SYT6: variants seen among roughly 807,000 people sequenced by gnomAD.
SYT6 encodes synaptotagmin-6.
Under a neutral mutation model 38.4 loss-of-function variants are expected in SYT6, and 24 were observed. The observed-to-expected ratio is 0.62, with a 90% CI of 0.45 to 0.88. The LOEUF is 0.88. Among genes scored for constraint, SYT6 ranks in the 40% least tolerant of loss-of-function variants. The probability of loss-of-function intolerance (pLI) is 0.00; values close to 1 mark genes in which losing one functional copy is unlikely to be tolerated. For missense variants in SYT6, 611 were observed against 621.0 expected (o/e 0.98, Z 0.17); for synonymous variants, 265 against 241.9 (o/e 1.10, Z -0.89).
intron 3 of SYT6, among the ~76,000 whole-genome samples, chr1:114,124,578 G>A (rs1220763704): frequency 6.6e-6 from 1 of 152,210 alleles, no homozygotes; most frequent in Non-Finnish European, 1.5e-5. Flanking sequence ...GTTAAGTGCT[G>A]CTCCTCACTT....
chr1:114,109,565 A>G (rs1676548435), intron 3 of SYT6, among the ~76,000 whole-genome samples: 1 of 152,214 alleles, frequency 6.6e-6, no homozygotes, highest in African/African-American at 2.4e-5. Context: ...TGCCGCAGAG[A>G]TTAAATGAGG....
intron 4 of SYT6, among the ~76,000 whole-genome samples, chr1:114,103,265 T>C (rs1436334485): frequency 6.6e-6 from 1 of 152,030 alleles, no homozygotes; most frequent in Non-Finnish European, 1.5e-5. Flanking sequence ...TACTTCTTGT[T>C]ATCTCCCTCT....
chr1:114,129,200 C>G (rs568704612), intron 3 of SYT6, among the ~76,000 whole-genome samples: 2 of 152,352 alleles, frequency 1.3e-5, no homozygotes, highest in South Asian at 4.1e-4. Context: ...ATACTGCTGG[C>G]TGTGCTTTCA....
chr1:114,118,198 T>C (rs756703263), intron 3 of SYT6, among the ~76,000 whole-genome samples: 4 of 152,226 alleles, frequency 2.6e-5, no homozygotes, highest in African/African-American at 9.6e-5. Context: ...CAGGCCTCCC[T>C]TCCCCCTGCT....
chr1:114,101,295 T>C (rs1372519403), intron 4 of SYT6, among the ~76,000 whole-genome samples: 6 of 152,174 alleles, frequency 3.9e-5, no homozygotes, highest in Non-Finnish European at 8.8e-5. Context: ...TAGGCTTTTC[T>C]GGGGCAAAAG....
chr1:114,138,698 G>A lies in SYT6; in HGVS notation c.513-645C>T, dbSNP rs566134597. Among the ~76,000 whole-genome samples, 6 of 152,342 alleles carry A rather than the reference G, an allele frequency of 3.9e-5. No individual in the cohort carries two copies. In the South Asian group the frequency reaches 1.2e-3, roughly 32 times the overall value. On this transcript the variant is annotated intron_variant, in intron 2 of 7. Coordinates refer to ENST00000610222, the MANE Select transcript of SYT6 (RefSeq NM_001253772.2). ...TATGAAGTGCTTAGAATAGAGCCAA[G>A]CATAATCATAAGCAATATATGTGTT...
chr1:114,139,645 C>A lies in SYT6; in HGVS notation c.482G>T (p.Arg161Leu). The A allele has an allele frequency of 1.2e-6, 2 of 1,614,120 alleles. No homozygotes were observed. Among genetic ancestry groups the A allele is most frequent in the Non-Finnish European group, 1.7e-6 (2 of 1,180,036 alleles). The stretch of plus-strand genomic sequence containing the variant: ...GGATGACGCTGGCTCTGTAGTTTGC[C>A]GCTGCAGCCGGGTGTGACGCATGAT... Reference protein sequence around the residue: ...EHIMRHTRLQRQTTEPASSTR... With the variant: ...EHIMRHTRLQLQTTEPASSTR... Residue 161 changes from arginine to leucine, a missense_variant, in exon 2 of 8, where the codon CGG becomes CTG. Physicochemically the swap from Arg to Leu is moderately radical, Grantham distance 102. Transcript: ENST00000610222.
chr1:114,110,849 TC>T (rs745313904), intron 3 of SYT6, among the ~76,000 whole-genome samples: 2 of 152,042 alleles, frequency 1.3e-5, no homozygotes, highest in South Asian at 4.2e-4. Context: ...GTTTTCTAAC[TC>T]CCCCTGCCCA....
intron 3 of SYT6, among the ~76,000 whole-genome samples, chr1:114,113,343 C>T (rs1055344522): frequency 1.3e-5 from 2 of 152,232 alleles, no homozygotes; most frequent in African/African-American, 4.8e-5. Context: ...TGAAGTTTGT[C>T]AAGCTTTTTC....
chr1:114,151,125 G>A (rs946752766), intron 1 of SYT6, among the ~76,000 whole-genome samples: 75 of 152,256 alleles, frequency 4.9e-4, no homozygotes, highest in Middle Eastern at 3.4e-3. Context: ...GCTGGGAGGC[G>A]GAACAGCTGG....
intron 3 of SYT6, among the ~76,000 whole-genome samples, chr1:114,121,139 C>T (rs1400977063): frequency 6.6e-6 from 1 of 152,202 alleles, no homozygotes; most frequent in African/African-American, 2.4e-5. Flanking sequence ...GGGATCTCAA[C>T]CTCATCATCT....
rs12132771 is a variant in SYT6 at position 114,137,318 on chromosome 1, C to A, written c.1071+177G>T. ...ACATGGGGACTCTGCTCTCTGCCAT[C>A]CCAACCTGGGGCAGAGTGCAAGGGT... On this transcript the variant is annotated intron_variant, in intron 3 of 7. Transcript: ENST00000610222. 0.11 allele frequency among the ~76,000 whole-genome samples: 16,054 copies of A among 152,216 alleles called. 1,009 individuals carry two copies. The highest frequency in any genetic ancestry group is 0.19 in the East Asian group (1,009 of 5,176).
chr1:114,135,079 G>T (rs1240569501), intron 3 of SYT6, among the ~76,000 whole-genome samples: 2 of 152,000 alleles, frequency 1.3e-5, no homozygotes, highest in Non-Finnish European at 2.9e-5. Flanking sequence ...TTGGAGGGTG[G>T]CAGGGGACTC....
intron 1 of SYT6, among the ~76,000 whole-genome samples, chr1:114,140,245 G>A (rs1254054121): frequency 6.6e-6 from 1 of 151,606 alleles, no homozygotes; most frequent in East Asian, 1.9e-4. Context: ...AGCTTGGGGA[G>A]CACCTGGGCT....
intron 6 of SYT6, among the ~76,000 whole-genome samples, chr1:114,094,800 T>C (rs199881705): frequency 6.6e-6 from 1 of 152,140 alleles, no homozygotes; most frequent in Non-Finnish European, 1.5e-5. Flanking sequence ...AAATGGGAGA[T>C]ACAAGTTTCA....
intron 3 of SYT6, among the ~76,000 whole-genome samples, chr1:114,129,577 T>TTTCTTTCG (rs1677975708): frequency 2.0e-5 from 2 of 99,022 alleles, no homozygotes; most frequent in African/African-American, 7.4e-5. Context: ...TCTTTCTTTC[T>TTTCTTTCG]TTCTTTCTTT....
At chr1:114,118,967 C>T (rs954149774) in intron 3 of SYT6, among the ~76,000 whole-genome samples, 15 of 152,220 alleles carry the variant, frequency 9.9e-5, no homozygotes, top group African/African-American at 3.6e-4. Context: ...GTGATCACTG[C>T]CCTCCGTGCA....
chr1:114,132,673 T>A (rs1034182905), intron 3 of SYT6, among the ~76,000 whole-genome samples: 2 of 152,154 alleles, frequency 1.3e-5, no homozygotes, highest in Admixed American at 6.5e-5. Flanking sequence ...TCAGAACAGA[T>A]GACCTGGACT....
At chr1:114,095,867 A>T (rs945539538) in intron 6 of SYT6, among the ~76,000 whole-genome samples, 3 of 151,982 alleles carry the variant, frequency 2.0e-5, no homozygotes, top group Non-Finnish European at 2.9e-5. Flanking sequence ...TCACCGTGTT[A>T]GCCAGGACGG....
Sources: gnomAD v4.1 joint callset for allele counts (sites outside exome capture counted in the v4.1 genomes callset) on GRCh38, gnomAD v4.1.1 for gene constraint, MANE v1.5 for transcripts, NCBI Gene and HGNC (gene_info 2026-07-23, HGNC 2026-07-21) for gene names.